OPHN1: variants seen among roughly 807,000 people sequenced by gnomAD.
OPHN1 encodes the protein oligophrenin-1.
OPHN1 carries 11 observed loss-of-function variants against 60.7 expected under a neutral mutation model. The observed-to-expected ratio is 0.18, with a 90% CI of 0.11 to 0.30. The LOEUF is 0.30. Ranked by LOEUF, OPHN1 falls within the 10% of genes least tolerant of loss-of-function variation. The pLI is 1.00. For missense variants in OPHN1, 449 were observed against 611.0 expected, an observed-to-expected ratio of 0.73 and a Z score of 2.80; for synonymous variants, 226 against 222.6, an observed-to-expected ratio of 1.02 and a Z score of -0.14.
intron 6 of OPHN1, among the ~76,000 whole-genome samples, chrX:68,225,042 C>T (rs759043432): frequency 1.2e-3 from 136 of 112,315 alleles, no homozygotes; most frequent in Middle Eastern, 4.6e-3. Flanking sequence ...GCTTTTCCAA[C>T]GGTCTTAGCA....
At chrX:68,363,468 C>T (rs1387402194) in intron 2 of OPHN1, among the ~76,000 whole-genome samples, 1 of 109,524 alleles carries the variant, frequency 9.1e-6, no homozygotes, top group African/African-American at 3.3e-5. Flanking sequence ...TGCCACCACA[C>T]CCAGCTATGT....
chrX:68,081,049 C>T (rs2076972406), intron 19 of OPHN1, among the ~76,000 whole-genome samples: 1 of 111,637 alleles, frequency 9.0e-6, no homozygotes, highest in Admixed American at 9.5e-5. Context: ...CATAACTTTT[C>T]TGACAGCAGA....
chrX:68,051,331 C>T (rs1421660205), intron 23 of OPHN1, among the ~76,000 whole-genome samples: 1 of 111,486 alleles, frequency 9.0e-6, no homozygotes, highest in East Asian at 2.8e-4. Context: ...GTCCTAAATT[C>T]CAGGCCTTGG....
At chrX:68,267,603 A>G (rs1256373644) in intron 5 of OPHN1, among the ~76,000 whole-genome samples, 1 of 112,284 alleles carries the variant, frequency 8.9e-6, no homozygotes, top group Non-Finnish European at 1.9e-5. Context: ...ATACCTTAAC[A>G]TCACAATTAA....
intron 2 of OPHN1, among the ~76,000 whole-genome samples, chrX:68,378,946 G>A (rs1396690308): frequency 2.7e-5 from 3 of 111,155 alleles, no homozygotes; most frequent in Non-Finnish European, 3.8e-5. Context: ...GAACTTTAAA[G>A]TAGTTTTTTC....
intron 3 of OPHN1, among the ~76,000 whole-genome samples, chrX:68,290,365 G>A (rs1246343714): frequency 5.4e-5 from 6 of 111,078 alleles, no homozygotes; most frequent in Admixed American, 3.9e-4. Flanking sequence ...TTGGGAGGCC[G>A]AGGCAGGTGG....
At chrX:68,182,147 A>G (rs1179959944) in intron 15 of OPHN1, among the ~76,000 whole-genome samples, 1 of 107,542 alleles carries the variant, frequency 9.3e-6, no homozygotes, top group African/African-American at 3.4e-5. Flanking sequence ...ACAAATAATT[A>G]CAATTTGATA....
At chrX:68,053,889 A>G (rs900135432) in intron 21 of OPHN1, 79 bp from the exon 22 acceptor site, 2 of 1,053,206 alleles carry the variant, frequency 1.9e-6, no homozygotes, top group Non-Finnish European at 1.3e-6. Flanking sequence ...CCAATATGAG[A>G]GTTACCTGGG....
intron 4 of OPHN1, among the ~76,000 whole-genome samples, chrX:68,275,540 T>C (rs750699959): frequency 9.0e-6 from 1 of 111,295 alleles, no homozygotes; most frequent in Non-Finnish European, 1.9e-5. Context: ...TGTGCCTCCA[T>C]GGTGAGAGTT....
At chrX:68,054,634 A>C (rs752874125) in intron 21 of OPHN1, among the ~76,000 whole-genome samples, 1 of 112,263 alleles carries the variant, frequency 8.9e-6, no homozygotes, top group African/African-American at 3.2e-5. Context: ...GCATCTTATC[A>C]GAAAAAAAAT....
chrX:68,137,213 C>G (rs1441950671), intron 15 of OPHN1, among the ~76,000 whole-genome samples: 2 of 111,673 alleles, frequency 1.8e-5, no homozygotes, highest in African/African-American at 6.5e-5. Context: ...TCTGAACTTG[C>G]ATTTCTTTAC....
At chrX:68,328,562 A>G (rs758714885) in intron 2 of OPHN1, among the ~76,000 whole-genome samples, 53 of 112,784 alleles carry the variant, frequency 4.7e-4, no homozygotes, top group Non-Finnish European at 9.0e-4. Context: ...AAACTTCTGC[A>G]TGACAAAAAA....
At chrX:68,166,044 A>G (rs1249579170) in intron 15 of OPHN1, among the ~76,000 whole-genome samples, 1 of 112,314 alleles carries the variant, frequency 8.9e-6, no homozygotes, top group Non-Finnish European at 1.9e-5. Context: ...CCATATACAC[A>G]CATTAACTCA....
intron 15 of OPHN1, among the ~76,000 whole-genome samples, chrX:68,131,660 T>C (rs767034392): frequency 1.8e-5 from 2 of 112,362 alleles, no homozygotes; most frequent in East Asian, 2.8e-4. Context: ...AAAGAAACTT[T>C]AACACATCAT....
At chrX:68,299,896 C>T (rs2078112118) in intron 2 of OPHN1, among the ~76,000 whole-genome samples, 1 of 109,542 alleles carries the variant, frequency 9.1e-6, no homozygotes, top group Admixed American at 9.8e-5. Flanking sequence ...AACTTTTGAC[C>T]CTTGTTGCAC....
chrX:68,121,761 C>A lies in OPHN1; in HGVS notation c.1277-2429G>T, dbSNP rs1029211636. On this transcript the variant is annotated intron_variant, in intron 15 of 24. Transcript: ENST00000355520. ...GCACAGCTCAAGGCTCCAAAAGATA[C>A]CCCTTCCTTCTGCTTGAGGAAAAGA... Among the ~76,000 whole-genome samples, 4 of 106,944 alleles carry A rather than the reference C, an allele frequency of 3.7e-5. No homozygotes were observed. The Admixed American group carries it at 4.1e-4, about 11-fold the overall frequency. The allele number at this position is 106,944 out of a possible 115,157, so 92.9% of individuals were successfully genotyped here. A position where few individuals can be genotyped will look rare whatever the true frequency, so the allele number is the denominator to read the frequency against.
chrX:68,368,605 A>G (rs1287269118), intron 2 of OPHN1, among the ~76,000 whole-genome samples: 1 of 111,176 alleles, frequency 9.0e-6, no homozygotes, highest in Non-Finnish European at 1.9e-5. Flanking sequence ...CCAGAAAACA[A>G]GCATACTCAG....
intron 5 of OPHN1, among the ~76,000 whole-genome samples, chrX:68,260,408 G>A (rs187164128): frequency 9.1e-6 from 1 of 110,471 alleles, no homozygotes; most frequent in East Asian, 2.8e-4. Flanking sequence ...TTGAACTGGT[G>A]ACAGGCATTA....
chrX:68,425,798 A>T (rs778207362), intron 2 of OPHN1, among the ~76,000 whole-genome samples: 1 of 83,044 alleles, frequency 1.2e-5, no homozygotes, highest in African/African-American at 4.4e-5. Context: ...GAGCCAATGC[A>T]CCTGGACTGG....
Sources: allele counts gnomAD v4.1 joint callset (sites outside exome capture counted in the v4.1 genomes callset), GRCh38; gene constraint gnomAD v4.1.1; transcripts MANE v1.5; gene names NCBI Gene and HGNC (gene_info 2026-07-23, HGNC 2026-07-21).